SLC45A4: variants seen among roughly 807,000 people sequenced by gnomAD.
SLC45A4 encodes the protein solute carrier family 45 member 4, also known as polyamine-transporter SLC45A4.
Under a neutral mutation model 63.7 loss-of-function variants are expected in SLC45A4, and 32 were observed. That is an observed-to-expected ratio of 0.50 (90% CI 0.38 to 0.67). The LOEUF is 0.67. Ranked by LOEUF, SLC45A4 falls within the 30% of genes least tolerant of loss-of-function variation. The pLI is 0.00. For synonymous variants in SLC45A4, 535 were observed against 510.0 expected, an observed-to-expected ratio of 1.05 and a Z score of -0.66; for missense variants, 1,027 against 1,157.7, an observed-to-expected ratio of 0.89 and a Z score of 1.64.
rs752833773 is a variant in SLC45A4 at position 141,218,400 on chromosome 8, G to A, written c.1240C>T (p.Arg414Trp). 6.8e-6 allele frequency: 11 copies of A among 1,609,386 alleles called. No homozygotes were observed. The East Asian group carries it at 1.1e-4, about 16-fold the overall frequency. ...TGCCTGCGGAACGCGTGCCGCCGCCGCCGCATGGAGCTCGACGTGGCCGAG... is the reference window on the plus strand; with the variant it reads ...TGCCTGCGGAACGCGTGCCGCCGCCACCGCATGGAGCTCGACGTGGCCGAG... ...KPSATSSSMR[R>W]RRHAFRRQAS... The change falls in exon 5 of 9, where the codon CGG (arginine) becomes TGG (tryptophan). Residue 414 changes from arginine to tryptophan, a missense_variant. By Grantham distance (101) the Arg-to-Trp change is moderately radical. Coordinates refer to ENST00000517878, the MANE Select transcript of SLC45A4 (RefSeq NM_001286646.2).
At chr8:141,291,600 T>C (rs1460384732) in intron 1 of SLC45A4, among the ~76,000 whole-genome samples, 1 of 152,224 alleles carries the variant, frequency 6.6e-6, no homozygotes, top group Non-Finnish European at 1.5e-5. Context: ...TGTCAGAAAG[T>C]AACAGTCAAA....
At position 141,218,460 on chromosome 8, in the gene SLC45A4, C is replaced by T. The variant is rs145498010; in HGVS notation, c.1180G>A (p.Ala394Thr). 42 of 1,612,836 alleles carry T rather than the reference C, an allele frequency of 2.6e-5. No homozygotes were observed. The African/African-American group carries it at 3.9e-4, about 15-fold the overall frequency. The change falls in exon 5 of 9, where the codon GCC becomes ACC. Residue 394 changes from alanine to threonine, a missense_variant. Physicochemically the swap from Ala to Thr is moderately conservative, Grantham distance 58 (BLOSUM62 0). Transcript: ENST00000517878. ...TCCACCCTGGTGTAGCCGCCGAGGG[C>T]GTCTTTTGTGGGGGAGCCACTTCCG... ...PNGSGSPTKD[A>T]LGGYTRVDTK...
In SLC45A4 at chr8:141,212,409, T is replaced by C. The variant is rs770111752; in HGVS notation, c.2089A>G (p.Met697Val). 46 of 1,613,632 alleles carry C rather than the reference T, an allele frequency of 2.9e-5. No individual in the cohort carries two copies. The highest frequency in any genetic ancestry group is 4.0e-5 in the African/African-American group (3 of 74,904). ...DAVGTVRVIPMVASVGSFLGF... is the reference protein window; with the variant it reads ...DAVGTVRVIPVVASVGSFLGF... The stretch of plus-strand genomic sequence containing the variant: ...AGGAAAGAGCCCACAGAGGCCACCA[T>C]GGGGATGACGCGGACAGTCCCCACG... Residue 697 changes from methionine to valine, a missense_variant, in exon 8 of 9, where the codon ATG (methionine) becomes GTG (valine). Physicochemically the swap from Met to Val is conservative, Grantham distance 21 (BLOSUM62 1). Transcript: ENST00000517878.
chr8:141,225,235 T>C (rs566500496), intron 2 of SLC45A4: 2 of 152,204 alleles, frequency 1.3e-5, no homozygotes, highest in South Asian at 2.1e-4. Flanking sequence ...CTGTGAATGA[T>C]GTGTCATAGA....
At chr8:141,221,543 T>C in intron 3 of SLC45A4, 34 bp downstream of exon 3, 1 of 1,600,354 alleles carries the variant, frequency 6.2e-7, no homozygotes, top group Non-Finnish European at 8.5e-7. Context: ...CCCGTCTGTG[T>C]TGTGAGGACA....
intron 1 of SLC45A4, chr8:141,292,603 T>G (rs767171457): frequency 6.6e-6 from 1 of 152,426 alleles, no homozygotes; most frequent in African/African-American, 2.4e-5. Flanking sequence ...AGCAGCAGCA[T>G]GAGGCTTCAC....
intron 1 of SLC45A4, among the ~76,000 whole-genome samples, chr8:141,304,553 T>C (rs1830839661): frequency 1.9e-5 from 1 of 52,612 alleles, no homozygotes; most frequent in East Asian, 6.0e-4. Flanking sequence ...AGTAAGACTG[T>C]CTCAAAAAAA....
chr8:141,258,883 CTCT>C (rs1828928784), intron 1 of SLC45A4, among the ~76,000 whole-genome samples: 2 of 131,490 alleles, frequency 1.5e-5, no homozygotes, highest in Non-Finnish European at 3.3e-5. Context: ...ACAGTGAGAC[CTCT>C]TTTTTTTAAA....
intron 2 of SLC45A4, among the ~76,000 whole-genome samples, chr8:141,240,468 G>A (rs969575524): frequency 1.3e-5 from 2 of 152,236 alleles, no homozygotes; most frequent in African/African-American, 4.8e-5. Flanking sequence ...AGCGGGAAGG[G>A]GTGCTCCAAC....
At chr8:141,253,424 C>A in intron 2 of SLC45A4, 1 of 202,322 alleles carries the variant, frequency 4.9e-6, no homozygotes. Flanking sequence ...ATCTACTGTC[C>A]ACAATAACCT....
intron 2 of SLC45A4, among the ~76,000 whole-genome samples, chr8:141,235,000 G>A (rs35313521): frequency 0.32 from 49,036 of 152,126 alleles, 9,095 homozygotes; most frequent in Non-Finnish European, 0.42. Flanking sequence ...CTACCTAGCA[G>A]GTGCTCGGAA....
At chr8:141,221,880 TC>T (rs1826663067) in intron 2 of SLC45A4, 115 bp from the exon 3 acceptor site, 2 of 1,083,698 alleles carry the variant, frequency 1.8e-6, no homozygotes, top group Admixed American at 5.1e-5. Context: ...CATGCGCACA[TC>T]CCCTGCTCAG....
At chr8:141,246,181 C>CA (rs1828182398) in intron 2 of SLC45A4, among the ~76,000 whole-genome samples, 2 of 152,158 alleles carry the variant, frequency 1.3e-5, no homozygotes, top group African/African-American at 4.8e-5. Context: ...GGGAAAAATT[C>CA]CAATGTACCC....
At chr8:141,295,869 G>A (rs934317183) in intron 1 of SLC45A4, among the ~76,000 whole-genome samples, 1 of 152,188 alleles carries the variant, frequency 6.6e-6, no homozygotes, top group Admixed American at 6.5e-5. Context: ...AGCTCATCTC[G>A]TAAGGTCAGA....
chr8:141,214,732 A>T (rs1826034934), intron 7 of SLC45A4, among the ~76,000 whole-genome samples: 1 of 152,142 alleles, frequency 6.6e-6, no homozygotes, highest in Non-Finnish European at 1.5e-5. Context: ...AAGAATAGAG[A>T]GACTAGCGGA....
intron 2 of SLC45A4, among the ~76,000 whole-genome samples, chr8:141,253,000 T>A (rs983665924): frequency 6.6e-6 from 1 of 150,952 alleles, no homozygotes; most frequent in Non-Finnish European, 1.5e-5. Flanking sequence ...CACACCCACC[T>A]GTGCGTCTGT....
chr8:141,231,667 C>G (rs1201784696), intron 2 of SLC45A4, among the ~76,000 whole-genome samples: 1 of 152,174 alleles, frequency 6.6e-6, no homozygotes, highest in African/African-American at 2.4e-5. Context: ...AGGCAGAGAC[C>G]CAGGGACCAT....
At chr8:141,244,815 A>G (rs1828088582) in intron 2 of SLC45A4, among the ~76,000 whole-genome samples, 1 of 152,134 alleles carries the variant, frequency 6.6e-6, no homozygotes, top group African/African-American at 2.4e-5. Flanking sequence ...GGACACACAC[A>G]GGACAAGAGT....
At chr8:141,240,585 C>T (rs574553455) in intron 2 of SLC45A4, among the ~76,000 whole-genome samples, 3 of 152,180 alleles carry the variant, frequency 2.0e-5, no homozygotes, top group Non-Finnish European at 4.4e-5. Flanking sequence ...AAAGTGACCA[C>T]AGGCCAGGCC....
Sources: gnomAD v4.1 joint callset for allele counts (sites outside exome capture counted in the v4.1 genomes callset) on GRCh38, gnomAD v4.1.1 for gene constraint, MANE v1.5 for transcripts, NCBI Gene and HGNC (gene_info 2026-07-23, HGNC 2026-07-21) for gene names.